The following ABCB10 variants were observed in gnomAD, a reference collection of about 807,000 sequenced individuals.
ABCB10 encodes the protein ATP binding cassette subfamily B member 10.
A neutral mutation model predicts 65.4 loss-of-function variants in ABCB10; 54 were observed. The ratio of observed to expected loss-of-function variants is 0.83; its 90% CI spans 0.66 to 1.04. The LOEUF (loss-of-function observed/expected upper bound fraction) is 1.04, where lower values mean the gene tolerates loss of function less well. Among genes scored for constraint, ABCB10 ranks in the 50% least tolerant of loss-of-function variants. ABCB10 has a pLI of 0.00. For missense variants in ABCB10, 846 were observed against 976.6 expected (o/e 0.87, Z 1.78); for synonymous variants, 418 against 406.5 (o/e 1.03, Z -0.34).
chr1:229,534,187 A>C (rs942286472), intron 6 of ABCB10, among the ~76,000 whole-genome samples: 4 of 152,212 alleles, frequency 2.6e-5, no homozygotes, highest in Non-Finnish European at 5.9e-5. Context: ...TCAACATCAT[A>C]TGTCATCAGG....
intron 3 of ABCB10, among the ~76,000 whole-genome samples, chr1:229,546,426 G>A (rs1442969003): frequency 1.3e-5 from 2 of 152,152 alleles, no homozygotes; most frequent in Admixed American, 1.3e-4. Context: ...ATTTTTGACT[G>A]TGTGGGCTTC....
chr1:229,519,109 T>G, intron 11 of ABCB10: 1 of 375,280 alleles, frequency 2.7e-6, no homozygotes, highest in Non-Finnish European at 4.8e-6. Context: ...CTGGGTTCAA[T>G]GCAGGAAATA....
Position 229,549,182 on chromosome 1 carries a change from A to T in ABCB10, c.718+52T>A, listed in dbSNP as rs111960720. 5.7e-3 allele frequency: 9,179 copies of T among 1,597,134 alleles called. 431 individuals carry two copies. In the African/African-American group the frequency reaches 0.1, roughly 18 times the overall value. ...ATTTGAGCCCGAACAAACCCACAGG[A>T]CTCTACATCTTCTTCAGGATGACTC... is the stretch of plus-strand genomic sequence containing the variant. On this transcript the variant is annotated intron_variant, in intron 2 of 12. Coordinates refer to ENST00000344517, the MANE Select transcript of ABCB10 (RefSeq NM_012089.3).
rs1308281997 is a variant in ABCB10 at position 229,556,312 on chromosome 1, CGGTGA to C, written c.517+1819_517+1823del. 2.7e-5 allele frequency among the ~76,000 whole-genome samples: 4 copies of C among 149,546 alleles called. No homozygotes were observed. The East Asian group carries it at 7.9e-4, about 30-fold the overall frequency. ...GCTTGAACCCGGGAGGCGGAGGTTG[CGGTGA>C]GGTGAGATCACGCCATTGCACTCCA... On this transcript the variant is annotated intron_variant, in intron 1 of 12. Coordinates refer to ENST00000344517, the MANE Select transcript of ABCB10 (RefSeq NM_012089.3).
intron 1 of ABCB10, among the ~76,000 whole-genome samples, chr1:229,556,597 G>T (rs1401702206): frequency 1.3e-5 from 2 of 152,130 alleles, no homozygotes; most frequent in Non-Finnish European, 2.9e-5. Context: ...GGATATCTGG[G>T]GACAGAGTGA....
intron 8 of ABCB10, among the ~76,000 whole-genome samples, chr1:229,529,363 G>GAA (rs1662525622): frequency 7.6e-6 from 1 of 130,786 alleles, no homozygotes; most frequent in African/African-American, 2.9e-5. Context: ...AGTTTCAATG[G>GAA]AACAGTCACA....
In ABCB10 at chr1:229,558,403, G is replaced by C. The variant is rs1333994995; in HGVS notation, c.250C>G (p.Leu84Val). 84 of 1,206,624 alleles carry C rather than the reference G, an allele frequency of 7.0e-5. No individual in the cohort carries two copies. The highest frequency in any genetic ancestry group is 8.5e-5 in the Non-Finnish European group (83 of 972,202). 74.7% of individuals were successfully genotyped at this position (1,206,624 alleles called of 1,614,324 possible). ...AGCCCCAGGAGCCGCGCGAGGCCCA[G>C]GACGCCCCGCGAGGCGCCCGGACCC... ...GGGPGASRGVLGLARLLGLWA... is the reference protein window; with the variant it reads ...GGGPGASRGVVGLARLLGLWA... Residue 84 changes from leucine to valine, a missense_variant, in exon 1 of 13, where the codon CTG (leucine) becomes GTG (valine). Leu to Val is a conservative substitution (Grantham distance 32, BLOSUM62 1). Transcript: ENST00000344517.
At chr1:229,541,858 G>A (rs1181821499) in intron 4 of ABCB10, among the ~76,000 whole-genome samples, 1 of 151,364 alleles carries the variant, frequency 6.6e-6, no homozygotes, top group African/African-American at 2.4e-5. Flanking sequence ...GAGATCACTC[G>A]AGCCTGGGAG....
At chr1:229,555,028 C>T (rs558040641) in intron 1 of ABCB10, among the ~76,000 whole-genome samples, 3 of 152,308 alleles carry the variant, frequency 2.0e-5, no homozygotes, top group East Asian at 1.9e-4. Context: ...GTGAGAGGAG[C>T]CCTCCTGAGT....
chr1:229,539,693 C>A, intron 5 of ABCB10, 102 bp from the exon 6 acceptor site: 1 of 1,364,796 alleles, frequency 7.3e-7, no homozygotes, highest in Non-Finnish European at 9.9e-7. Flanking sequence ...TCAACTGTCA[C>A]AGCAAGATTT....
chr1:229,541,419 G>A (rs1452776914), intron 4 of ABCB10, among the ~76,000 whole-genome samples: 4 of 151,980 alleles, frequency 2.6e-5, no homozygotes, highest in Non-Finnish European at 2.9e-5. Context: ...TAGAAACAAG[G>A]TTTCACCATG....
chr1:229,543,251 AG>A (rs1371500548), intron 3 of ABCB10, among the ~76,000 whole-genome samples: 1 of 152,192 alleles, frequency 6.6e-6, no homozygotes, highest in East Asian at 1.9e-4. Flanking sequence ...TGAAGTCAGC[AG>A]GATGGATCTG....
intron 6 of ABCB10, among the ~76,000 whole-genome samples, chr1:229,533,145 T>C (rs1360801951): frequency 6.6e-6 from 1 of 152,044 alleles, no homozygotes; most frequent in African/African-American, 2.4e-5. Flanking sequence ...TGAACCATTA[T>C]TATTATTTTT....
At chr1:229,526,745 G>C (rs1662454691) in intron 9 of ABCB10, among the ~76,000 whole-genome samples, 1 of 152,240 alleles carries the variant, frequency 6.6e-6, no homozygotes, top group African/African-American at 2.4e-5. Flanking sequence ...AAAGGGTCTT[G>C]TGAAAATGGC....
rs1662876985 is a variant in ABCB10 at position 229,542,518 on chromosome 1, A to G, written c.922-147T>C. On this transcript the variant is annotated intron_variant, in intron 3 of 12. Coordinates refer to ENST00000344517, the MANE Select transcript of ABCB10 (RefSeq NM_012089.3). Reference sequence around the variant, plus strand: ...AGCAGGCTTGAAGGTACTGTCCCCAAGTTGTTACATCCTGTTTTGATGGAA... The same window carrying G: ...AGCAGGCTTGAAGGTACTGTCCCCAGGTTGTTACATCCTGTTTTGATGGAA... The G allele has an allele frequency of 5.2e-6, 5 of 970,476 alleles. No individual in the cohort carries two copies. The Admixed American group carries it at 1.5e-4, about 29-fold the overall frequency. 60.1% of individuals were successfully genotyped at this position (970,476 alleles called of 1,614,324 possible).
chr1:229,549,388 G>A lies in ABCB10; in HGVS notation c.564C>T (p.Ala188=). 2 of 1,614,140 alleles carry A rather than the reference G, an allele frequency of 1.2e-6. No homozygotes were observed. The highest frequency in any genetic ancestry group is 1.7e-6 in the Non-Finnish European group (2 of 1,180,024). Residue 188 remains alanine (A), a synonymous_variant, in exon 2 of 13, where the codon GCC becomes GCT. Transcript: ENST00000344517. ...LTMSSVISMS[A]PFFLGKIIDV... is the part of the protein sequence containing the mutation. ...CAATGATCTTCCCCAGGAAGAAAGG[G>A]GCAGACATGGAGATAACACTGGACA...
intron 3 of ABCB10, 135 bp from the exon 4 acceptor site, chr1:229,542,506 G>T: frequency 9.2e-7 from 1 of 1,087,240 alleles, no homozygotes; most frequent in Non-Finnish European, 1.3e-6. Flanking sequence ...AGGCTTGAAG[G>T]TACTGTCCCC....
chr1:229,517,910 A>T lies in ABCB10; in HGVS notation c.*269T>A, dbSNP rs1662211553. 1 of 350,510 alleles carries T rather than the reference A, an allele frequency of 2.9e-6. No homozygotes were observed. The allele number at this position is 350,510 out of a possible 1,614,324, so 21.7% of individuals were successfully genotyped here. On this transcript the variant is annotated 3_prime_UTR_variant, in exon 13 of 13. Transcript: ENST00000344517. ...AGAAAATGAGGTGCCATGCTATATT[A>T]ATTAAAATATTCCACAAGAAAAGAA...
intron 10 of ABCB10, among the ~76,000 whole-genome samples, chr1:229,522,937 G>C (rs564187219): frequency 1.3e-5 from 2 of 151,716 alleles, no homozygotes; most frequent in African/African-American, 4.8e-5. Context: ...GCAACCTCTC[G>C]CTCCTGGGCT....
Sources: allele counts gnomAD v4.1 joint callset (sites outside exome capture counted in the v4.1 genomes callset), GRCh38; gene constraint gnomAD v4.1.1; transcripts MANE v1.5; gene names NCBI Gene and HGNC (gene_info 2026-07-23, HGNC 2026-07-21).